FBXO8: variants seen among roughly 807,000 people sequenced by gnomAD.
The protein encoded by FBXO8 is F-box only protein 8.
A neutral mutation model predicts 33.4 loss-of-function variants in FBXO8; 15 were observed. The observed-to-expected ratio is 0.45, with a 90% confidence interval of 0.30 to 0.69. The LOEUF is 0.69. Among genes scored for constraint, FBXO8 ranks in the 30% least tolerant of loss-of-function variants. FBXO8 has a pLI of 0.08. For synonymous variants in FBXO8, 132 were observed against 131.5 expected, an observed-to-expected ratio of 1.00 and a Z score of -0.02; for missense variants, 274 against 380.3, an observed-to-expected ratio of 0.72 and a Z score of 2.32.
At chr4:174,279,027 T>C (rs888154134) in intron 1 of FBXO8, among the ~76,000 whole-genome samples, 2 of 151,986 alleles carry the variant, frequency 1.3e-5, no homozygotes, top group African/African-American at 4.8e-5. Flanking sequence ...AGGTCTTTTT[T>C]AGCTATAAAA....
Position 174,274,039 on chromosome 4 carries a change from C to G in FBXO8, c.-9+9371G>C, listed in dbSNP as rs1229511031. Among the ~76,000 whole-genome samples, 1 of 152,168 alleles carries G rather than the reference C, an allele frequency of 6.6e-6. No individual in the cohort carries two copies. Among genetic ancestry groups the G allele is most frequent in the Non-Finnish European group, 1.5e-5 (1 of 68,030 alleles). On this transcript the variant is annotated intron_variant, in intron 1 of 5. Coordinates refer to ENST00000393674, the MANE Select transcript of FBXO8 (RefSeq NM_012180.3). The surrounding 1 kb of genome is among the most constrained non-coding windows in gnomAD (Gnocchi z 4.0). ...ATTCTTAACCCACAAACCATATTCC[C>G]AGAACCGCTGGAGCCCATGGATGAC...
At chr4:174,271,335 A>G (rs965232277) in intron 1 of FBXO8, among the ~76,000 whole-genome samples, 3 of 152,192 alleles carry the variant, frequency 2.0e-5, no homozygotes, top group Non-Finnish European at 4.4e-5. Flanking sequence ...AAAACATAGG[A>G]CAAGGAAGAG....
chr4:174,269,333 TGGG>T (rs1408900382), intron 1 of FBXO8, among the ~76,000 whole-genome samples: 1 of 149,870 alleles, frequency 6.7e-6, no homozygotes, highest in Non-Finnish European at 1.5e-5. Flanking sequence ...AAAAAAAAAA[TGGG>T]GGAAAAAACC....
chr4:174,238,508 TATATC>T (rs1735940613), intron 5 of FBXO8, among the ~76,000 whole-genome samples: 1 of 151,578 alleles, frequency 6.6e-6, no homozygotes, highest in Non-Finnish European at 1.5e-5. Context: ...AGATTCAGGC[TATATC>T]ATAAGCATAC....
intron 3 of FBXO8, among the ~76,000 whole-genome samples, chr4:174,246,765 TG>T (rs1344158081): frequency 6.6e-6 from 1 of 151,850 alleles, no homozygotes; most frequent in Non-Finnish European, 1.5e-5. Flanking sequence ...ATGATTAGCC[TG>T]GGGGACAGCA....
At position 174,263,734 on chromosome 4, in the gene FBXO8, G is replaced by A. The variant is rs1736625861; in HGVS notation, c.-8-634C>T. 1.3e-5 allele frequency among the ~76,000 whole-genome samples: 2 copies of A among 152,118 alleles called. No homozygotes were observed. Among genetic ancestry groups the A allele is most frequent in the African/African-American group, 4.8e-5 (2 of 41,414 alleles). Reference sequence around the variant, plus strand: ...TAACAGTAGACTATTTAGTTTTGTTGTTGCCTTAAATTAAAAATTGTAATT... The same window carrying A: ...TAACAGTAGACTATTTAGTTTTGTTATTGCCTTAAATTAAAAATTGTAATT... On this transcript the variant is annotated intron_variant, in intron 1 of 5. Coordinates refer to ENST00000393674, the MANE Select transcript of FBXO8 (RefSeq NM_012180.3). This position sits in a 1 kb window ranked among gnomAD's most constrained non-coding sequence, Gnocchi z 4.2.
intron 3 of FBXO8, among the ~76,000 whole-genome samples, chr4:174,258,901 G>C (rs1736477550): frequency 6.6e-6 from 1 of 151,892 alleles, no homozygotes; most frequent in Non-Finnish European, 1.5e-5. Flanking sequence ...ATGAAAAAAA[G>C]TTGTTTTTGA....
chr4:174,238,533 C>T (rs2126410880), intron 5 of FBXO8, among the ~76,000 whole-genome samples: 1 of 151,232 alleles, frequency 6.6e-6, no homozygotes, highest in East Asian at 1.9e-4. Context: ...CAAACATACA[C>T]ATATAGATAG....
In FBXO8 at chr4:174,278,819, T is replaced by C. The variant is rs1737010105; in HGVS notation, c.-9+4591A>G. ...AAAACAAGGTATTAAATTAAATGAA[T>C]ATTGAAGGCAGCCAGAAATAGGAGG... is the stretch of plus-strand genomic sequence containing the variant. On this transcript the variant is annotated intron_variant, in intron 1 of 5. Coordinates refer to ENST00000393674, the MANE Select transcript of FBXO8 (RefSeq NM_012180.3). This position sits in a 1 kb window ranked among gnomAD's most constrained non-coding sequence, Gnocchi z 4.1. 6.6e-6 allele frequency among the ~76,000 whole-genome samples: 1 copy of C among 152,040 alleles called. No individual in the cohort carries two copies. Among genetic ancestry groups the C allele is most frequent in the South Asian group, 2.1e-4 (1 of 4,826 alleles).
At position 174,252,020 on chromosome 4, in the gene FBXO8, G is replaced by A. The variant is rs1399410642; in HGVS notation, c.456+7679C>T. 6.6e-6 allele frequency among the ~76,000 whole-genome samples: 1 copy of A among 152,156 alleles called. No individual in the cohort carries two copies. Among genetic ancestry groups the A allele is most frequent in the Non-Finnish European group, 1.5e-5 (1 of 68,012 alleles). ...GTCTTGCTTTGTCACTCAGGCTGGA[G>A]TGCAGTGGCATGATCATGGCTCACT... On this transcript the variant is annotated intron_variant, in intron 3 of 5. Coordinates refer to ENST00000393674, the MANE Select transcript of FBXO8 (RefSeq NM_012180.3). This position sits in a 1 kb window ranked among gnomAD's most constrained non-coding sequence, Gnocchi z 5.1.
chr4:174,263,386 TAA>T lies in FBXO8; in HGVS notation c.-8-288_-8-287del, dbSNP rs1253193253. On this transcript the variant is annotated intron_variant, in intron 1 of 5. Coordinates refer to ENST00000393674, the MANE Select transcript of FBXO8 (RefSeq NM_012180.3). This position sits in a 1 kb window ranked among gnomAD's most constrained non-coding sequence, Gnocchi z 4.2. Reference sequence around the variant, plus strand: ...TAATCATTTTTCACGTGGTAAGATTTAAAAGTTACTGATGTCCTTAATACTCT... The same window carrying T: ...TAATCATTTTTCACGTGGTAAGATTTAAGTTACTGATGTCCTTAATACTCT... 6.6e-6 allele frequency among the ~76,000 whole-genome samples: 1 copy of T among 152,306 alleles called. No individual in the cohort carries two copies. The highest frequency in any genetic ancestry group is 2.4e-5 in the African/African-American group (1 of 41,564).
intron 3 of FBXO8, among the ~76,000 whole-genome samples, chr4:174,258,280 A>G (rs35252065): frequency 2.0e-5 from 3 of 152,278 alleles, no homozygotes; most frequent in Admixed American, 6.5e-5. Flanking sequence ...CAAGGTGAAA[A>G]CAAGTATATT....
At chr4:174,271,287 T>C (rs143962406) in intron 1 of FBXO8, among the ~76,000 whole-genome samples, 492 of 152,246 alleles carry the variant, frequency 3.2e-3, no homozygotes, top group African/African-American at 0.012. Context: ...AGCAGAAGCT[T>C]ATGTACCTTG....
intron 3 of FBXO8, among the ~76,000 whole-genome samples, chr4:174,249,316 A>G (rs1736234316): frequency 6.6e-6 from 1 of 152,068 alleles, no homozygotes; most frequent in African/African-American, 2.4e-5. Flanking sequence ...CTATATTAGA[A>G]AAAGAAAGCA....
Position 174,262,614 on chromosome 4 carries a change from C to A in FBXO8, c.329+150G>T. 1 of 632,830 alleles carries A rather than the reference C, an allele frequency of 1.6e-6. No homozygotes were observed. The highest frequency in any genetic ancestry group is 2.7e-6 in the Non-Finnish European group (1 of 369,012). 39.2% of individuals were successfully genotyped at this position (632,830 alleles called of 1,614,324 possible). ...AGATCAAATTTGACTGTGATGCTAA[C>A]TGTATATTTTTCCAGGTTTTAATAA... On this transcript the variant is annotated intron_variant, in intron 2 of 5. Transcript: ENST00000393674. This position sits in a 1 kb window ranked among gnomAD's most constrained non-coding sequence, Gnocchi z 4.6.
chr4:174,239,651 T>C (rs1248051480), intron 4 of FBXO8, among the ~76,000 whole-genome samples: 3 of 151,914 alleles, frequency 2.0e-5, no homozygotes, highest in Non-Finnish European at 1.5e-5. Flanking sequence ...TATATTGTTT[T>C]ATAATTTGTT....
intron 5 of FBXO8, among the ~76,000 whole-genome samples, chr4:174,238,555 A>G (rs1036997195): frequency 2.0e-5 from 3 of 151,478 alleles, no homozygotes; most frequent in Non-Finnish European, 4.4e-5. Context: ...AGTACACACA[A>G]ACAGACATAT....
In FBXO8 at chr4:174,283,085, C is replaced by T. The variant is rs890919377; in HGVS notation, c.-9+325G>A. On this transcript the variant is annotated intron_variant, in intron 1 of 5. Coordinates refer to ENST00000393674, the MANE Select transcript of FBXO8 (RefSeq NM_012180.3). This position sits in a 1 kb window ranked among gnomAD's most constrained non-coding sequence, Gnocchi z 6.7. ...CTCGACCCGAAAACCAACACTTGGA[C>T]CTGAAGAAAGTAACCCTTGTCATTT... 1.3e-5 allele frequency among the ~76,000 whole-genome samples: 2 copies of T among 152,204 alleles called. No homozygotes were observed. Among genetic ancestry groups the T allele is most frequent in the South Asian group, 4.1e-4 (2 of 4,832 alleles).
intron 3 of FBXO8, among the ~76,000 whole-genome samples, chr4:174,242,363 T>A (rs373438590): frequency 1.2e-4 from 18 of 151,442 alleles, no homozygotes; most frequent in Non-Finnish European, 2.2e-4. Flanking sequence ...ATGGTAAAAA[T>A]TTTTTTTAAG....
Sources: allele counts gnomAD v4.1 joint callset (sites outside exome capture counted in the v4.1 genomes callset), GRCh38; gene constraint gnomAD v4.1.1; non-coding constraint Gnocchi (gnomAD v3.1); transcripts MANE v1.5; gene names NCBI Gene and HGNC (gene_info 2026-07-23, HGNC 2026-07-21).